Variants in PSMA3 observed in about 807,000 individuals in gnomAD.
PSMA3 encodes the protein proteasome 20S subunit alpha 3, also known as proteasome subunit alpha type-3.
In PSMA3, 8 loss-of-function variants were observed where a neutral mutation model predicts 40.0. The observed-to-expected ratio is 0.20, with a 90% CI of 0.12 to 0.36. The LOEUF (loss-of-function observed/expected upper bound fraction) is 0.36. PSMA3 is among the 10% of genes least tolerant of loss of function. PSMA3 has a pLI of 1.00. For missense variants in PSMA3, 219 were observed against 310.6 expected, an observed-to-expected ratio of 0.70 and a Z score of 2.22; for synonymous variants, 110 against 100.0, an observed-to-expected ratio of 1.10 and a Z score of -0.59.
chr14:58,257,737 T>C lies in PSMA3; in HGVS notation c.229-8T>C. 3 of 1,606,320 alleles carry C rather than the reference T, an allele frequency of 1.9e-6. No individual in the cohort carries two copies. Among genetic ancestry groups the C allele is most frequent in the Non-Finnish European group, 2.6e-6 (3 of 1,174,144 alleles). ...TGTTCCTCTAGTAAATTGGTGCTTT[T>C]TTTTCAGGCAGTAGCAGGTTTGTTG... On this transcript the variant is annotated splice_region_variant and splice_polypyrimidine_tract_variant and intron_variant, in intron 3 of 10. Coordinates refer to ENST00000216455, the MANE Select transcript of PSMA3 (RefSeq NM_002788.4).
chr14:58,263,598 TAA>T (rs1426750869), intron 6 of PSMA3, 105 bp from the exon 7 acceptor site: 18 of 877,036 alleles, frequency 2.1e-5, no homozygotes, highest in Admixed American at 1.1e-4. Flanking sequence ...TACTTGCTTT[TAA>T]AAGTCATTTA....
chr14:58,254,230 T>C (rs1314898576), intron 3 of PSMA3, among the ~76,000 whole-genome samples: 5 of 149,538 alleles, frequency 3.3e-5, no homozygotes, highest in African/African-American at 9.9e-5. Flanking sequence ...GAAACTGATA[T>C]GTTTTGATGA....
At chr14:58,252,821 G>A (rs74805260) in intron 3 of PSMA3, among the ~76,000 whole-genome samples, 827 of 137,812 alleles carry the variant, frequency 6.0e-3, no homozygotes, top group Middle Eastern at 0.022. Flanking sequence ...ACTACTGAAA[G>A]AAAAAAAAAA....
intron 3 of PSMA3, among the ~76,000 whole-genome samples, chr14:58,254,193 A>C (rs1890085415): frequency 6.6e-6 from 1 of 151,284 alleles, no homozygotes; most frequent in African/African-American, 2.4e-5. Flanking sequence ...GCTAAGAATA[A>C]TGCTGAACAG....
intron 1 of PSMA3, 74 bp from the exon 2 acceptor site, chr14:58,247,676 C>T: frequency 2.0e-6 from 2 of 982,646 alleles, no homozygotes; most frequent in South Asian, 1.5e-5. Flanking sequence ...ATGTTTCAGC[C>T]ATTTAGAGGG....
Position 58,244,844 on chromosome 14 carries a change from C to G in PSMA3, c.-77C>G. The G allele has an allele frequency of 6.3e-7, 1 of 1,590,350 alleles. No homozygotes were observed. Among genetic ancestry groups the G allele is most frequent in the Non-Finnish European group, 8.6e-7 (1 of 1,158,370 alleles). On this transcript the variant is annotated 5_prime_UTR_variant, in exon 1 of 11. Coordinates refer to ENST00000216455, the MANE Select transcript of PSMA3 (RefSeq NM_002788.4). ...GTTCAGCCAATGAGCGGGCCTGTTA[C>G]TAGTTTGCGGCATCCTGTGGTATAG...
intron 10 of PSMA3, 121 bp from the exon 11 acceptor site, chr14:58,271,730 A>G (rs1890631399): frequency 7.2e-6 from 5 of 696,144 alleles, no homozygotes; most frequent in East Asian, 5.5e-5. Context: ...GAAACTGTTC[A>G]TTCAGTTACA....
intron 3 of PSMA3, among the ~76,000 whole-genome samples, chr14:58,255,103 A>T (rs1008188865): frequency 1.4e-4 from 21 of 152,092 alleles, no homozygotes; most frequent in Admixed American, 1.1e-3. Context: ...TGGCTTCCCT[A>T]GGCCGAAAAT....
chr14:58,267,419 T>C, intron 7 of PSMA3, 55 bp from the exon 8 acceptor site: 1 of 1,418,918 alleles, frequency 7.0e-7, no homozygotes, highest in Non-Finnish European at 9.2e-7. Flanking sequence ...AAAATAGTTA[T>C]TACACAAGTG....
chr14:58,256,087 C>T (rs1890138055), intron 3 of PSMA3, among the ~76,000 whole-genome samples: 1 of 152,094 alleles, frequency 6.6e-6, no homozygotes, highest in Non-Finnish European at 1.5e-5. Context: ...CTCCTGACCT[C>T]AGGTGATCCC....
rs546541901 is a variant in PSMA3 at position 58,249,022 on chromosome 14, A to T, written c.104+1190A>T. ...CTCTTGTTGCCCAGGCTGGAGTGCAATGGCACAATGTTGGCTCACCGCAAC... is the reference window on the plus strand; with the variant it reads ...CTCTTGTTGCCCAGGCTGGAGTGCATTGGCACAATGTTGGCTCACCGCAAC... On this transcript the variant is annotated intron_variant, in intron 2 of 10. Coordinates refer to ENST00000216455, the MANE Select transcript of PSMA3 (RefSeq NM_002788.4). Among the ~76,000 whole-genome samples the T allele has an allele frequency of 2.0e-4, 30 of 152,068 alleles. 1 individual carries two copies. The highest frequency in any genetic ancestry group is 6.8e-3 in the Middle Eastern group (2 of 294).
Position 58,263,689 on chromosome 14 carries a change from A to G in PSMA3, c.478-16A>G, listed in dbSNP as rs1566642990. ...GTGTACTAATTCAGTGATTATATATATTTTTTTCTAAATAGGGTTATTGGG... is the reference window on the plus strand; with the variant it reads ...GTGTACTAATTCAGTGATTATATATGTTTTTTTCTAAATAGGGTTATTGGG... On this transcript the variant is annotated splice_polypyrimidine_tract_variant and intron_variant, in intron 6 of 10. Coordinates refer to ENST00000216455, the MANE Select transcript of PSMA3 (RefSeq NM_002788.4). The G allele has an allele frequency of 6.2e-7, 1 of 1,600,868 alleles. No homozygotes were observed. Among genetic ancestry groups the G allele is most frequent in the Non-Finnish European group, 8.6e-7 (1 of 1,168,800 alleles).
At chr14:58,263,865 ATC>A in intron 7 of PSMA3, 95 bp downstream of exon 7, 3 of 1,122,074 alleles carry the variant, frequency 2.7e-6, no homozygotes, top group Non-Finnish European at 4.0e-6. Flanking sequence ...GGGATGTCCA[ATC>A]ATTTGGCTTC....
chr14:58,247,080 T>C (rs1300650512), intron 1 of PSMA3, among the ~76,000 whole-genome samples: 1 of 152,222 alleles, frequency 6.6e-6, no homozygotes, highest in Non-Finnish European at 1.5e-5. Flanking sequence ...TACCCTAAGA[T>C]CTTTGTGCCA....
In PSMA3 at chr14:58,257,777, T is replaced by A; in HGVS notation, c.261T>A (p.Ser87=). The change falls in exon 4 of 11, where the codon TCT becomes TCA. Residue 87 remains serine (S), a synonymous_variant. Coordinates refer to ENST00000216455, the MANE Select transcript of PSMA3 (RefSeq NM_002788.4). ...AVAGLLADAR[S]LADIAREEAS... Reference sequence around the variant, plus strand: ...CAGGTTTGTTGGCAGATGCTCGTTCTTTAGCAGACATAGCAAGAGAAGAAG... The same window carrying A: ...CAGGTTTGTTGGCAGATGCTCGTTCATTAGCAGACATAGCAAGAGAAGAAG... 5.0e-6 allele frequency: 8 copies of A among 1,613,128 alleles called. No individual in the cohort carries two copies. Among genetic ancestry groups the A allele is most frequent in the Non-Finnish European group, 6.8e-6 (8 of 1,179,206 alleles).
chr14:58,252,260 A>G lies in PSMA3; in HGVS notation c.228+18A>G, dbSNP rs1426019818. The G allele has an allele frequency of 7.5e-6, 12 of 1,600,314 alleles. No individual in the cohort carries two copies. The highest frequency in any genetic ancestry group is 4.5e-5 in the East Asian group (2 of 44,752). ...TTGGAATGGTAAGGTCATGTTTAAA[A>G]TGTTCCTTTTTGTCTTGTCCAATTT... On this transcript the variant is annotated intron_variant, in intron 3 of 10. Coordinates refer to ENST00000216455, the MANE Select transcript of PSMA3 (RefSeq NM_002788.4).
chr14:58,268,961 G>C (rs891541688), intron 8 of PSMA3: 4 of 151,586 alleles, frequency 2.6e-5, no homozygotes, highest in African/African-American at 9.7e-5. Context: ...TTGAGATGGA[G>C]TCTCACTCTG....
At chr14:58,259,637 A>G (rs1435919536) in intron 5 of PSMA3, among the ~76,000 whole-genome samples, 2 of 152,162 alleles carry the variant, frequency 1.3e-5, no homozygotes, top group East Asian at 1.9e-4. Flanking sequence ...GTAAACATCT[A>G]TTGGGCACTG....
intron 3 of PSMA3, 92 bp from the exon 4 acceptor site, chr14:58,257,653 G>C: frequency 4.3e-6 from 5 of 1,167,704 alleles, no homozygotes; most frequent in Non-Finnish European, 6.2e-6. Context: ...GGTAATACTT[G>C]TTAAAAAAAT....
Sources: gnomAD v4.1 joint callset for allele counts (sites outside exome capture counted in the v4.1 genomes callset) on GRCh38, gnomAD v4.1.1 for gene constraint, MANE v1.5 for transcripts, NCBI Gene and HGNC (gene_info 2026-07-23, HGNC 2026-07-21) for gene names.